FGGY: variants seen among roughly 807,000 people sequenced by gnomAD.
FGGY encodes the protein FGGY carbohydrate kinase domain containing, also known as FGGY carbohydrate kinase domain-containing protein.
A neutral mutation model predicts 71.3 loss-of-function variants in FGGY; 72 were observed. That is an observed-to-expected ratio of 1.01 (90% CI 0.84 to 1.23). The LOEUF (loss-of-function observed/expected upper bound fraction) is 1.23. FGGY is among the 50% of genes most tolerant of loss of function. FGGY has a pLI of 0.00. For synonymous variants in FGGY, 251 were observed against 250.3 expected (o/e 1.00, Z -0.02); for missense variants, 668 against 682.3 (o/e 0.98, Z 0.23).
At chr1:59,599,643 G>A (rs1234486122) in intron 8 of FGGY, among the ~76,000 whole-genome samples, 3 of 142,194 alleles carry the variant, frequency 2.1e-5, no homozygotes, top group Admixed American at 7.4e-5. Context: ...GCAGTGAGCC[G>A]AGATTTTGCC....
At chr1:59,503,618 T>A (rs12734387) in intron 6 of FGGY, among the ~76,000 whole-genome samples, 81 of 143,750 alleles carry the variant, frequency 5.6e-4, no homozygotes, top group South Asian at 2.2e-3. Context: ...TATATATATA[T>A]AAAATATGTA....
At chr1:59,700,423 T>G (rs2097700363) in intron 14 of FGGY, among the ~76,000 whole-genome samples, 3 of 152,322 alleles carry the variant, frequency 2.0e-5, no homozygotes, top group South Asian at 4.1e-4. Context: ...ATCCCAATTT[T>G]TACCCACATT....
intron 6 of FGGY, among the ~76,000 whole-genome samples, chr1:59,463,644 T>C (rs1170810776): frequency 1.4e-5 from 2 of 141,172 alleles, no homozygotes; most frequent in Admixed American, 7.2e-5. Flanking sequence ...ACACATAGGC[T>C]CAAAATAAAG....
At chr1:59,456,819 T>G in intron 5 of FGGY, 142 bp from the exon 6 acceptor site, 2 of 572,118 alleles carry the variant, frequency 3.5e-6, no homozygotes, top group East Asian at 5.8e-5. Flanking sequence ...ACTTTTTACC[T>G]AAGCAGGGAT....
intron 14 of FGGY, among the ~76,000 whole-genome samples, chr1:59,702,526 T>TG (rs2097718135): frequency 6.6e-6 from 1 of 152,148 alleles, no homozygotes; most frequent in Admixed American, 6.6e-5. Context: ...ATGAGAACTA[T>TG]GGGGTAAACA....
intron 5 of FGGY, among the ~76,000 whole-genome samples, chr1:59,405,160 T>C (rs149793173): frequency 4.3e-4 from 65 of 152,344 alleles, no homozygotes; most frequent in African/African-American, 1.5e-3. Context: ...CCTTAAACTT[T>C]AATTAGAATT....
intron 7 of FGGY, among the ~76,000 whole-genome samples, chr1:59,527,444 A>C (rs1396653891): frequency 2.6e-5 from 4 of 152,112 alleles, no homozygotes; most frequent in Non-Finnish European, 5.9e-5. Flanking sequence ...GGCAGTGCTG[A>C]TTTCACTGTC....
intron 5 of FGGY, among the ~76,000 whole-genome samples, chr1:59,388,904 G>A (rs998624111): frequency 2.0e-5 from 3 of 151,912 alleles, no homozygotes; most frequent in Non-Finnish European, 4.4e-5. Flanking sequence ...CACCCCAAAC[G>A]GAAGCTGCTA....
chr1:59,750,199 T>TC (rs1403411646), intron 14 of FGGY, among the ~76,000 whole-genome samples: 1 of 152,174 alleles, frequency 6.6e-6, no homozygotes, highest in African/African-American at 2.4e-5. Context: ...TGCCTCCATT[T>TC]CCTACAGAAT....
At chr1:59,556,159 C>T (rs1159363975) in intron 8 of FGGY, among the ~76,000 whole-genome samples, 1 of 152,228 alleles carries the variant, frequency 6.6e-6, no homozygotes, top group East Asian at 1.9e-4. Flanking sequence ...TGATATGAGT[C>T]TACACTTGTT....
rs566902905 is a variant in FGGY at position 59,434,725 on chromosome 1, G to A, written c.555-22236G>A. Among the ~76,000 whole-genome samples the A allele has an allele frequency of 2.0e-5, 3 of 152,248 alleles. No individual in the cohort carries two copies. In the South Asian group the frequency reaches 6.2e-4, roughly 32 times the overall value. On this transcript the variant is annotated intron_variant, in intron 5 of 15. Transcript: ENST00000303721. ...CTCAAAAGACGGGAGGAGTAAATGA[G>A]CTTTCTGGGATCCATTTTACAAGGG...
At chr1:59,711,012 T>C (rs2097789866) in intron 14 of FGGY, among the ~76,000 whole-genome samples, 1 of 152,046 alleles carries the variant, frequency 6.6e-6, no homozygotes, top group African/African-American at 2.4e-5. Flanking sequence ...TGCAGTACTA[T>C]TGACAATAGC....
intron 11 of FGGY, among the ~76,000 whole-genome samples, chr1:59,647,444 A>G (rs1044966998): frequency 2.0e-5 from 3 of 152,180 alleles, no homozygotes; most frequent in Non-Finnish European, 4.4e-5. Flanking sequence ...TGCTATAATA[A>G]ATTACACAAA....
At chr1:59,650,186 A>T (rs2097143050) in intron 11 of FGGY, among the ~76,000 whole-genome samples, 1 of 147,800 alleles carries the variant, frequency 6.8e-6, no homozygotes, top group African/African-American at 2.7e-5. Context: ...ATCGATGTTC[A>T]TCAGGGATAT....
chr1:59,741,840 G>A (rs958615590), intron 14 of FGGY, among the ~76,000 whole-genome samples: 2 of 151,404 alleles, frequency 1.3e-5, no homozygotes, highest in Non-Finnish European at 2.9e-5. Flanking sequence ...TTGGGAGGCT[G>A]AGGCAGGAGA....
At chr1:59,367,512 C>T (rs1381642440) in intron 4 of FGGY, among the ~76,000 whole-genome samples, 1 of 152,220 alleles carries the variant, frequency 6.6e-6, no homozygotes. Context: ...AATTAGGGAG[C>T]TGTTCCCTCC....
At chr1:59,750,952 A>C (rs912906280) in intron 14 of FGGY, among the ~76,000 whole-genome samples, 1 of 151,682 alleles carries the variant, frequency 6.6e-6, no homozygotes, top group Non-Finnish European at 1.5e-5. Context: ...CATCTCACTG[A>C]TACACACGTG....
At chr1:59,327,128 A>AT (rs2047588558) in intron 2 of FGGY, among the ~76,000 whole-genome samples, 1 of 152,036 alleles carries the variant, frequency 6.6e-6, no homozygotes, top group African/African-American at 2.4e-5. Context: ...AAGTAAGGCA[A>AT]TTTTTTAAGT....
At chr1:59,296,722 GCGCTTTACAGGGGCC>G, upstream of FGGY, 1 of 151,794 alleles carries the variant, frequency 6.6e-6, no homozygotes, top group Non-Finnish European at 1.5e-5. Context: ...TACAGGGGCC[GCGCTTTACAGGGGCC>G]GCGCTTTACA....
Sources: gnomAD v4.1 joint callset for allele counts (sites outside exome capture counted in the v4.1 genomes callset) on GRCh38, gnomAD v4.1.1 for gene constraint, MANE v1.5 for transcripts, NCBI Gene and HGNC (gene_info 2026-07-23, HGNC 2026-07-21) for gene names.